Variants in MYBPC2 observed in about 807,000 individuals in gnomAD.
MYBPC2 encodes myosin binding protein C2.
In MYBPC2, 122 loss-of-function variants were observed where a neutral mutation model predicts 137.0. The observed-to-expected ratio is 0.89, with a 90% CI of 0.77 to 1.03. MYBPC2 has a LOEUF of 1.03. MYBPC2 is among the 50% of genes least tolerant of loss of function. The pLI is 0.00. For synonymous variants in MYBPC2, 626 were observed against 612.3 expected, an observed-to-expected ratio of 1.02 and a Z score of -0.33; for missense variants, 1,500 against 1,534.4, an observed-to-expected ratio of 0.98 and a Z score of 0.37.
Position 50,435,682 on chromosome 19 carries a change from C to A in MYBPC2, c.110-94C>A. The A allele has an allele frequency of 9.5e-7, 1 of 1,048,492 alleles. No homozygotes were observed. Among genetic ancestry groups the A allele is most frequent in the Non-Finnish European group, 1.4e-6 (1 of 729,540 alleles). The allele number at this position is 1,048,492 out of a possible 1,614,324, so 64.9% of individuals were successfully genotyped here. On this transcript the variant is annotated intron_variant, in intron 2 of 27. Coordinates refer to ENST00000357701, the MANE Select transcript of MYBPC2 (RefSeq NM_004533.4). This position sits in a 1 kb window ranked among gnomAD's most constrained non-coding sequence, Gnocchi z 4.8. ...ATGTTTGGTTTCTGAGTAGAGGGGC[C>A]CTCACTGTCTCTAAGTCCTTTCCCC...
chr19:50,451,804 G>A, intron 15 of MYBPC2, 60 bp from the exon 16 acceptor site: 1 of 1,553,458 alleles, frequency 6.4e-7, no homozygotes. Flanking sequence ...TTCTCTTGTG[G>A]GAACTGGGAA....
Position 50,451,290 on chromosome 19 carries a change from G to A in MYBPC2, c.1590G>A (p.Val530=), listed in dbSNP as rs2039854565. The change falls in exon 15 of 28, where the codon GTG becomes GTA. Residue 530 remains valine, a synonymous_variant. Coordinates refer to ENST00000357701, the MANE Select transcript of MYBPC2 (RefSeq NM_004533.4). Reference sequence around the variant, plus strand: ...TTCTTTGTCTTGCAGAAATCAAGGTGGAGTACGTTCCCAAGCAAGGTGAGC... The same window carrying A: ...TTCTTTGTCTTGCAGAAATCAAGGTAGAGTACGTTCCCAAGCAAGGTGAGC... ...SAKLNFLEIK[V]EYVPKQEPPK... 2.5e-6 allele frequency: 4 copies of A among 1,613,492 alleles called. No homozygotes were observed. The South Asian group carries it at 4.4e-5, about 18-fold the overall frequency.
chr19:50,451,168 C>T lies in MYBPC2; in HGVS notation c.1580-112C>T, dbSNP rs932519566. ...TGGGCCTGAACCTGTCTCCAGCACC[C>T]CAGTTCCCAGGGAGACTGCCAGACC... On this transcript the variant is annotated intron_variant, in intron 14 of 27. Coordinates refer to ENST00000357701, the MANE Select transcript of MYBPC2 (RefSeq NM_004533.4). 5.8e-6 allele frequency: 8 copies of T among 1,375,020 alleles called. No individual in the cohort carries two copies. The Admixed American group carries it at 9.5e-5, about 16-fold the overall frequency. The allele number at this position is 1,375,020 out of a possible 1,614,324, so 85.2% of individuals were successfully genotyped here.
chr19:50,440,323 A>AAAATAAAATAAATAAAT (rs140643143), intron 7 of MYBPC2, among the ~76,000 whole-genome samples: 1,820 of 139,064 alleles, frequency 0.013, 13 homozygotes, highest in Middle Eastern at 0.017. Context: ...CTGTGGAAAT[A>AAAATAAAATAAATAAAT]AAATAAATAA....
At position 50,458,769 on chromosome 19, in the gene MYBPC2, A is replaced by ACCCTGCGCT. The variant is rs781161313; in HGVS notation, c.2506+18_2506+26dup. 1.2e-6 allele frequency: 2 copies of ACCCTGCGCT among 1,605,448 alleles called. No homozygotes were observed. Among genetic ancestry groups the ACCCTGCGCT allele is most frequent in the Non-Finnish European group, 1.7e-6 (2 of 1,178,984 alleles). ...GGAGATTGCGGGTGCGTGGCCCCTGACCCTGCGCTCCGAAAGACCAAGCTG... is the reference window on the plus strand; with the variant it reads ...GGAGATTGCGGGTGCGTGGCCCCTGACCCTGCGCTCCCTGCGCTCCGAAAGACCAAGCTG... On this transcript the variant is annotated intron_variant, in intron 21 of 27. Coordinates refer to ENST00000357701, the MANE Select transcript of MYBPC2 (RefSeq NM_004533.4).
At chr19:50,455,420 G>T in intron 19 of MYBPC2, 90 bp from the exon 20 acceptor site, 1 of 1,565,942 alleles carries the variant, frequency 6.4e-7, no homozygotes, top group South Asian at 1.2e-5. Context: ...CTGGCCTTCT[G>T]ACCAATCATT....
Position 50,466,036 on chromosome 19 carries a change from T to C in MYBPC2, c.3416-159T>C, listed in dbSNP as rs574339693. On this transcript the variant is annotated intron_variant, in intron 27 of 27. Coordinates refer to ENST00000357701, the MANE Select transcript of MYBPC2 (RefSeq NM_004533.4). This position sits in a 1 kb window ranked among gnomAD's most constrained non-coding sequence, Gnocchi z 4.9. ...CCAAAATACCAGTAATCAGGAGCAC[T>C]GTGACTCTGGGTTGTCCAGCCACAG... Among the ~76,000 whole-genome samples, 3 of 152,262 alleles carry C rather than the reference T, an allele frequency of 2.0e-5. No homozygotes were observed. The South Asian group carries it at 6.2e-4, about 32-fold the overall frequency.
At chr19:50,451,396 C>T in intron 15 of MYBPC2, 87 bp downstream of exon 15, 1 of 1,349,866 alleles carries the variant, frequency 7.4e-7, no homozygotes, top group African/African-American at 1.6e-5. Context: ...GGAGGATAGG[C>T]AGGGCGAGGA....
chr19:50,453,939 T>A (rs928025645), intron 16 of MYBPC2, 81 bp from the exon 17 acceptor site: 1 of 1,451,432 alleles, frequency 6.9e-7, no homozygotes, highest in South Asian at 1.3e-5. Context: ...GGGAGGATTC[T>A]GAGCAGGGGA....
At chr19:50,437,750 A>G (rs1382433218) in intron 7 of MYBPC2, 32 bp downstream of exon 7, 2 of 1,583,422 alleles carry the variant, frequency 1.3e-6, no homozygotes, top group African/African-American at 1.3e-5. Flanking sequence ...GAGAGGGGAG[A>G]TGGGACTCAA....
rs199625688 is a variant in MYBPC2 at position 50,451,907 on chromosome 19, G to A, written c.1653G>A (p.Glu551=). The change falls in exon 16 of 28, where the codon GAG becomes GAA. Residue 551 remains glutamate, a synonymous_variant. Coordinates refer to ENST00000357701, the MANE Select transcript of MYBPC2 (RefSeq NM_004533.4). ...TGGATTGCTCGGGGAAGACCTCAGAGAATGCGATTGTGGTTGTGGCTGGAA... is the reference window on the plus strand; with the variant it reads ...TGGATTGCTCGGGGAAGACCTCAGAAAATGCGATTGTGGTTGTGGCTGGAA... The part of the protein sequence containing the change: ...IHLDCSGKTS[E]NAIVVVAGNK... The A allele has an allele frequency of 1.3e-6, 2 of 1,587,184 alleles. No homozygotes were observed. The highest frequency in any genetic ancestry group is 2.3e-5 in the East Asian group (1 of 43,910).
intron 7 of MYBPC2, among the ~76,000 whole-genome samples, chr19:50,438,397 G>GGT (rs1478033715): frequency 5.3e-5 from 8 of 152,064 alleles, no homozygotes; most frequent in African/African-American, 1.9e-4. Context: ...TGGGAGGATG[G>GGT]GTGCCTCAGT....
chr19:50,451,145 G>A, intron 14 of MYBPC2, 135 bp from the exon 15 acceptor site: 2 of 1,167,934 alleles, frequency 1.7e-6, no homozygotes, highest in Non-Finnish European at 2.5e-6. Flanking sequence ...GTGGCTCCTG[G>A]GCCTGAACCT....
At chr19:50,438,776 G>T (rs1204149904) in intron 7 of MYBPC2, among the ~76,000 whole-genome samples, 1 of 151,938 alleles carries the variant, frequency 6.6e-6, no homozygotes, top group Non-Finnish European at 1.5e-5. Flanking sequence ...TGAGGGAGGA[G>T]GATCGTTTGA....
chr19:50,437,467 C>T lies in MYBPC2; in HGVS notation c.464-6C>T. The T allele has an allele frequency of 6.2e-7, 1 of 1,609,810 alleles. No individual in the cohort carries two copies. Among genetic ancestry groups the T allele is most frequent in the Admixed American group, 1.7e-5 (1 of 59,400 alleles). ...CACCTTCCCTTCTCTCATCACCTCT[C>T]CCCAGCACCCCGTCAGGATGCCTCT... On this transcript the variant is annotated splice_region_variant and splice_polypyrimidine_tract_variant and intron_variant, in intron 5 of 27. Transcript: ENST00000357701.
At position 50,455,603 on chromosome 19, in the gene MYBPC2, G is replaced by A; in HGVS notation, c.2297G>A (p.Gly766Asp). The change falls in exon 20 of 28, where the codon GGT becomes GAT. Residue 766 changes from glycine to aspartate, a missense_variant. Physicochemically the swap from Gly to Asp is moderately conservative, Grantham distance 94. Coordinates refer to ENST00000357701, the MANE Select transcript of MYBPC2 (RefSeq NM_004533.4). ...KWRPPNRIGA[G>D]GIDGYLVEYC... Reference sequence around the variant, plus strand: ...AGGCCTCCGAACAGGATCGGGGCAGGTGGCATCGATGGGTACCTGGTGGAG... The same window carrying A: ...AGGCCTCCGAACAGGATCGGGGCAGATGGCATCGATGGGTACCTGGTGGAG... The A allele has an allele frequency of 6.2e-7, 1 of 1,614,016 alleles. No individual in the cohort carries two copies. The highest frequency in any genetic ancestry group is 8.5e-7 in the Non-Finnish European group (1 of 1,179,902).
intron 7 of MYBPC2, among the ~76,000 whole-genome samples, chr19:50,439,280 C>G (rs577434147): frequency 6.6e-6 from 1 of 150,686 alleles, no homozygotes; most frequent in South Asian, 2.1e-4. Context: ...AATCCATCCA[C>G]CCACCCACCT....
At chr19:50,439,224 C>G (rs907901887) in intron 7 of MYBPC2, among the ~76,000 whole-genome samples, 1 of 113,370 alleles carries the variant, frequency 8.8e-6, no homozygotes, top group Non-Finnish European at 1.8e-5. Context: ...CCTGTCTTCC[C>G]CCAACCCATC....
At chr19:50,437,564 G>A (rs754256245) in intron 6 of MYBPC2, 43 bp downstream of exon 6, 1 of 1,601,780 alleles carries the variant, frequency 6.2e-7, no homozygotes, top group Non-Finnish European at 8.5e-7. Context: ...AGGACCATGG[G>A]AGGCTCTCCC....
Sources: gnomAD v4.1 joint callset for allele counts (sites outside exome capture counted in the v4.1 genomes callset) on GRCh38, gnomAD v4.1.1 for gene constraint, Gnocchi (gnomAD v3.1) non-coding constraint, MANE v1.5 for transcripts, NCBI Gene and HGNC (gene_info 2026-07-23, HGNC 2026-07-21) for gene names.